Variants in MAD2L1BP observed in about 807,000 individuals in gnomAD.
MAD2L1BP encodes the protein MAD2L1 binding protein.
In MAD2L1BP, 22 loss-of-function variants were observed where a neutral mutation model predicts 28.4. That is an observed-to-expected ratio of 0.77 (90% confidence interval 0.55 to 1.10). The LOEUF is 1.10. Among genes scored for constraint, MAD2L1BP ranks in the 50% least tolerant of loss-of-function variants. The pLI, the probability that MAD2L1BP is intolerant of heterozygous loss-of-function variation, is 0.00. For synonymous variants in MAD2L1BP, 146 were observed against 133.7 expected, an observed-to-expected ratio of 1.09 and a Z score of -0.63; for missense variants, 325 against 350.5, an observed-to-expected ratio of 0.93 and a Z score of 0.58.
chr6:43,630,563 C>G lies in MAD2L1BP; in HGVS notation c.20+794C>G, dbSNP rs539904916. 8.5e-5 allele frequency among the ~76,000 whole-genome samples: 13 copies of G among 152,048 alleles called. No individual in the cohort carries two copies. The South Asian group carries it at 2.3e-3, about 27-fold the overall frequency. ...TTCGAGACCAGCCTGGCCAACACAG[C>G]GAAACCCCGTCTCTACTAAAAATAC... is the stretch of plus-strand genomic sequence containing the variant. On this transcript the variant is annotated intron_variant, in intron 1 of 3. Transcript: ENST00000451025.
rs2127861466 is a variant in MAD2L1BP at position 43,636,457 on chromosome 6, A to C, written c.123A>C (p.Glu41Asp). ...TACTTGAGACAAGCTCTACGCAGGA[A>C]CCTCTCAACGCTTCGGAGGCCTTTT... Reference protein sequence around the residue: ...IELLETSSTQEPLNASEAFCP... With the variant: ...IELLETSSTQDPLNASEAFCP... The change falls in exon 2 of 3, where the codon GAA becomes GAC. Residue 41 changes from glutamate to aspartate, a missense_variant. Coordinates refer to ENST00000372171, the MANE Select transcript of MAD2L1BP (RefSeq NM_014628.3). 4 of 1,614,116 alleles carry C rather than the reference A, an allele frequency of 2.5e-6. No individual in the cohort carries two copies. The East Asian group carries it at 8.9e-5, about 36-fold the overall frequency.
At chr6:43,632,474 C>G (rs1290908046), upstream of MAD2L1BP, among the ~76,000 whole-genome samples, 1 of 151,478 alleles carries the variant, frequency 6.6e-6, no homozygotes, top group Non-Finnish European at 1.5e-5. Context: ...TCAGGCCGGT[C>G]TTGAACTCCT....
At chr6:43,630,226 T>C (rs566916319) in intron 1 of MAD2L1BP, among the ~76,000 whole-genome samples, 36 of 152,292 alleles carry the variant, frequency 2.4e-4, no homozygotes, top group South Asian at 8.3e-4. Context: ...TCCAGCTCTT[T>C]AGTGCTGTTG....
At chr6:43,629,650 C>T (rs894789669) in exon 1 of MAD2L1BP, 5 of 1,305,690 alleles carry the variant, frequency 3.8e-6, no homozygotes, top group Non-Finnish European at 5.4e-6. Context: ...CCCTTTAGCG[C>T]GGATCCTAGA....
At chr6:43,637,633 C>G (rs1770313698) in intron 2 of MAD2L1BP, among the ~76,000 whole-genome samples, 1 of 151,530 alleles carries the variant, frequency 6.6e-6, no homozygotes, top group Non-Finnish European at 1.5e-5. Context: ...GAGTTTCACT[C>G]TGTCACCCAG....
chr6:43,637,645 C>T (rs555171596), intron 2 of MAD2L1BP, among the ~76,000 whole-genome samples: 1 of 152,226 alleles, frequency 6.6e-6, no homozygotes. Flanking sequence ...GTCACCCAGG[C>T]TGGAGTGCAG....
In MAD2L1BP at chr6:43,640,557, A is replaced by G. The variant is rs1280484559; in HGVS notation, c.*24A>G. The G allele has an allele frequency of 6.5e-7, 1 of 1,531,974 alleles. No homozygotes were observed. Among genetic ancestry groups the G allele is most frequent in the Admixed American group, 2.1e-5 (1 of 48,514 alleles). 94.9% of individuals were successfully genotyped at this position (1,531,974 alleles called of 1,614,324 possible). On this transcript the variant is annotated 3_prime_UTR_variant, in exon 3 of 3. Transcript: ENST00000372171. ...GAATGAGTGCTTCTTAATCCTAAAA[A>G]CACAATGGCTGAATTATCTTTCTCC...
In MAD2L1BP at chr6:43,636,665, A is replaced by T. The variant is rs771104837; in HGVS notation, c.312+19A>T. On this transcript the variant is annotated intron_variant, in intron 2 of 2. Coordinates refer to ENST00000372171, the MANE Select transcript of MAD2L1BP (RefSeq NM_014628.3). ...TCCCCAGGTAGGCACAGGCTTTGGG[A>T]GCAAGTTGGTGGGAAGACTTTGTGG... 3 of 1,605,440 alleles carry T rather than the reference A, an allele frequency of 1.9e-6. No homozygotes were observed. In the Admixed American group the frequency reaches 5.0e-5, roughly 27 times the overall value.
At position 43,629,711 on chromosome 6, in the gene MAD2L1BP, C is replaced by T. The variant is rs1260562337; in HGVS notation, c.-39C>T. On this transcript the variant is annotated 5_prime_UTR_variant, in exon 1 of 4. Coordinates refer to the MAD2L1BP transcript ENST00000451025. ...GCAGAACTGAGGCTACTGGTGCCGC[C>T]AGCCTGCTGGCTCCGCCTCTGCCTC... The T allele has an allele frequency of 1.2e-5, 19 of 1,550,362 alleles. No homozygotes were observed. The East Asian group carries it at 1.5e-4, about 12-fold the overall frequency.
At chr6:43,629,886 G>A in intron 1 of MAD2L1BP, 4 of 1,304,530 alleles carry the variant, frequency 3.1e-6, no homozygotes, top group Non-Finnish European at 4.1e-6. Context: ...TACCAGGCTG[G>A]CACCGTCCAG....
intron 2 of MAD2L1BP, among the ~76,000 whole-genome samples, chr6:43,639,283 G>T (rs1228494911): frequency 1.3e-5 from 2 of 152,100 alleles, no homozygotes; most frequent in East Asian, 3.9e-4. Flanking sequence ...GGGACTACAG[G>T]CATCCACCAC....
intron 1 of MAD2L1BP, chr6:43,629,778 G>A: frequency 6.4e-7 from 1 of 1,563,858 alleles, no homozygotes. Flanking sequence ...GGGTGAGTCA[G>A]GGCGAACGCC....
At chr6:43,636,326 T>A in intron 1 of MAD2L1BP, 55 bp from the exon 2 acceptor site, 1 of 1,591,970 alleles carries the variant, frequency 6.3e-7, no homozygotes, top group East Asian at 2.2e-5. Context: ...ATGAGAAGAC[T>A]GACTGGCTTT....
At chr6:43,629,794 G>C (rs1417211183) in intron 1 of MAD2L1BP, 1 of 1,561,766 alleles carries the variant, frequency 6.4e-7, no homozygotes, top group Non-Finnish European at 8.7e-7. Flanking sequence ...ACGCCAGGGC[G>C]GAGGCGGATG....
In MAD2L1BP at chr6:43,640,151, C is replaced by T. The variant is rs763299422; in HGVS notation, c.443C>T (p.Pro148Leu). 34 of 1,612,826 alleles carry T rather than the reference C, an allele frequency of 2.1e-5. No homozygotes were observed. Among genetic ancestry groups the T allele is most frequent in the East Asian group, 4.5e-5 (2 of 44,864 alleles). ...GACTTCTTTGCACGGACACTAGTAC[C>T]GCGAGTGCTGATTCTCCTTGGGGGC... is the stretch of plus-strand genomic sequence containing the variant. ...LEDFFARTLVPRVLILLGGNA... is the reference protein window; with the variant it reads ...LEDFFARTLVLRVLILLGGNA... Residue 148 changes from proline (P) to leucine (L), a missense_variant, in exon 3 of 3, where the codon CCG becomes CTG. Pro to Leu is a moderately conservative substitution (Grantham distance 98, BLOSUM62 -3). Coordinates refer to ENST00000372171, the MANE Select transcript of MAD2L1BP (RefSeq NM_014628.3).
upstream of MAD2L1BP, among the ~76,000 whole-genome samples, chr6:43,634,224 T>TC (rs1218881524): frequency 7.2e-6 from 1 of 139,026 alleles, no homozygotes; most frequent in African/African-American, 2.7e-5. Flanking sequence ...TTTTTTCTTT[T>TC]TTTTTTTTTT....
At chr6:43,633,077 C>A, upstream of MAD2L1BP, 1 of 370,870 alleles carries the variant, frequency 2.7e-6, no homozygotes, top group Non-Finnish European at 5.2e-6. Flanking sequence ...AATCCCTCTG[C>A]CCTTAAGCAA....
rs563220592 is a variant in MAD2L1BP, at chr6:43,629,746, C to T, written c.-4C>T. 19 of 1,554,296 alleles carry T rather than the reference C, an allele frequency of 1.2e-5. No individual in the cohort carries two copies. The South Asian group carries it at 1.8e-4, about 15-fold the overall frequency. Reference sequence around the variant, plus strand: ...GCTCCGCCTCTGCCTCAGTTTCTTCCCCTATGGCCCGCGTGCCGCTGGGGT... The same window carrying T: ...GCTCCGCCTCTGCCTCAGTTTCTTCTCCTATGGCCCGCGTGCCGCTGGGGT... On this transcript the variant is annotated 5_prime_UTR_variant, in exon 1 of 4. Transcript: ENST00000451025.
chr6:43,637,759 C>T (rs1329343774), intron 2 of MAD2L1BP, among the ~76,000 whole-genome samples: 3 of 151,920 alleles, frequency 2.0e-5, no homozygotes, highest in African/African-American at 7.3e-5. Flanking sequence ...CCACCATGTC[C>T]AGCTAATTTT....
Sources: allele counts gnomAD v4.1 joint callset (sites outside exome capture counted in the v4.1 genomes callset), GRCh38; gene constraint gnomAD v4.1.1; transcripts MANE v1.5; gene names NCBI Gene and HGNC (gene_info 2026-07-23, HGNC 2026-07-21).